Variants in RAB27A observed in about 807,000 individuals in gnomAD.
RAB27A encodes the protein RAB27A, member RAS oncogene family, also known as ras-related protein Rab-27A.
A neutral mutation model predicts 20.8 loss-of-function variants in RAB27A; 17 were observed. That is an observed-to-expected ratio of 0.82 (90% CI 0.56 to 1.23). The LOEUF is 1.23. Ranked by LOEUF, RAB27A falls within the 50% of genes most tolerant of loss-of-function variation. RAB27A has a pLI of 0.00. For synonymous variants in RAB27A, 85 were observed against 92.8 expected, an observed-to-expected ratio of 0.92 and a Z score of 0.48; for missense variants, 277 against 266.7, an observed-to-expected ratio of 1.04 and a Z score of -0.27.
upstream of RAB27A, among the ~76,000 whole-genome samples, chr15:55,291,649 G>A (rs982176122): frequency 2.0e-5 from 3 of 151,646 alleles, no homozygotes; most frequent in East Asian, 5.8e-4. Flanking sequence ...TGGCTGATAT[G>A]GCACAGGGAA....
exon 1 of RAB27A, chr15:55,319,013 TTTCGGACCCC>T: frequency 2.0e-6 from 1 of 493,320 alleles, no homozygotes; most frequent in South Asian, 2.9e-5. Context: ...TTCCAGCAGT[TTTCGGACCCC>T]CGAGCACAGA....
chr15:55,271,913 TCTC>T (rs1265428154), intron 1 of RAB27A, among the ~76,000 whole-genome samples: 2 of 152,198 alleles, frequency 1.3e-5, no homozygotes, highest in Non-Finnish European at 2.9e-5. Context: ...TGACATCTCT[TCTC>T]ATGGTAAATG....
At position 55,217,663 on chromosome 15, in the gene RAB27A, CAAAAAAAAAAAAAAAAA is replaced by C. The variant is rs199813098; in HGVS notation, c.467+6209_467+6225del. Among the ~76,000 whole-genome samples, 106 of 43,554 alleles carry C rather than the reference CAAAAAAAAAAAAAAAAA, an allele frequency of 2.4e-3. 2 individuals are homozygous for C. The highest frequency in any genetic ancestry group is 3.6e-3 in the Non-Finnish European group (84 of 23,140). The allele number at this position is 43,554 out of a possible 152,430, so 28.6% of individuals were successfully genotyped here. A position where few individuals can be genotyped will look rare whatever the true frequency, so the allele number is the denominator to read the frequency against. On this transcript the variant is annotated intron_variant, in intron 6 of 6. Coordinates refer to ENST00000336787, the MANE Select transcript of RAB27A (RefSeq NM_183235.3). ...TGGGTGACAGAGCTACACTCCATCT[CAAAAAAAAAAAAAAAAA>C]AAAAAAAAAAAAAAATTCAAGAGGA... is the stretch of plus-strand genomic sequence containing the variant.
intron 5 of RAB27A, among the ~76,000 whole-genome samples, chr15:55,225,227 C>A (rs1895750898): frequency 1.3e-5 from 2 of 152,166 alleles, no homozygotes; most frequent in Admixed American, 1.3e-4. Flanking sequence ...GTTATAGGTC[C>A]ATGCCCAGTG....
intron 2 of RAB27A, among the ~76,000 whole-genome samples, chr15:55,236,476 TG>T (rs1449403951): frequency 1.3e-5 from 2 of 152,162 alleles, no homozygotes; most frequent in African/African-American, 4.8e-5. Context: ...TATGTTTACC[TG>T]GGTACTCTAT....
chr15:55,262,414 C>T (rs1052918618), intron 2 of RAB27A, among the ~76,000 whole-genome samples: 3 of 151,560 alleles, frequency 2.0e-5, no homozygotes, highest in Admixed American at 6.6e-5. Flanking sequence ...TGGTGGTAGG[C>T]ACCTGTAGTC....
Position 55,203,379 on chromosome 15 carries a change from T to C in RAB27A, c.*2128A>G, listed in dbSNP as rs578217225. On this transcript the variant is annotated 3_prime_UTR_variant, in exon 7 of 7. Transcript: ENST00000336787. ...CTGCACTGAAGTCTTATGGCAACTATATAAGGCACTGCTGTGTGATTATGA... is the reference window on the plus strand; with the variant it reads ...CTGCACTGAAGTCTTATGGCAACTACATAAGGCACTGCTGTGTGATTATGA... 6.6e-6 allele frequency: 1 copy of C among 152,028 alleles called. No homozygotes were observed. The highest frequency in any genetic ancestry group is 2.1e-4 in the South Asian group (1 of 4,822). The allele number at this position is 152,028 out of a possible 1,614,324, so 9.4% of individuals were successfully genotyped here. A position where few individuals can be genotyped will look rare whatever the true frequency, so the allele number is the denominator to read the frequency against.
rs1894476374 is a variant in RAB27A, at chr15:55,203,224, C to T, written c.*2283G>A. 6.6e-6 allele frequency: 1 copy of T among 152,086 alleles called. No homozygotes were observed. The allele number at this position is 152,086 out of a possible 1,614,324, so 9.4% of individuals were successfully genotyped here. On this transcript the variant is annotated 3_prime_UTR_variant, in exon 7 of 7. Transcript: ENST00000336787. ...CCAGTGGAATCTATAGCTAATTACT[C>T]ATTTGGTTCTTGAAAACTGAAACAT...
At chr15:55,218,770 C>A (rs8026190) in intron 6 of RAB27A, among the ~76,000 whole-genome samples, 13,493 of 148,898 alleles carry the variant, frequency 0.091, 937 homozygotes, top group African/African-American at 0.2. Context: ...AGAGGCAGAG[C>A]CTCGCTCTTT....
intron 2 of RAB27A, among the ~76,000 whole-genome samples, chr15:55,268,149 CTT>C (rs113400757): frequency 1.3e-4 from 18 of 143,600 alleles, no homozygotes; most frequent in Admixed American, 2.1e-4. Flanking sequence ...CCCAAAACAT[CTT>C]TTTTTTTTTT....
chr15:55,258,168 G>C (rs760978802), intron 2 of RAB27A, among the ~76,000 whole-genome samples: 3 of 151,324 alleles, frequency 2.0e-5, no homozygotes, highest in Non-Finnish European at 4.4e-5. Context: ...TGAAACCACT[G>C]ACACTAAGAA....
intron 2 of RAB27A, among the ~76,000 whole-genome samples, chr15:55,259,441 C>T (rs567803031): frequency 4.6e-5 from 7 of 151,174 alleles, no homozygotes; most frequent in Non-Finnish European, 7.4e-5. Context: ...TGAGTCGCCA[C>T]GCCCAGCTAA....
intron 2 of RAB27A, among the ~76,000 whole-genome samples, chr15:55,302,775 G>T (rs2054978513): frequency 7.2e-6 from 1 of 137,964 alleles, no homozygotes; most frequent in Non-Finnish European, 1.6e-5. Context: ...GACCCCGTCT[G>T]GGAGGTGAGG....
intron 1 of RAB27A, among the ~76,000 whole-genome samples, chr15:55,271,077 T>C (rs765924550): frequency 6.6e-6 from 1 of 152,212 alleles, no homozygotes; most frequent in Non-Finnish European, 1.5e-5. Context: ...AAACCACTTA[T>C]TTGGTTTTCT....
chr15:55,220,124 C>A (rs1216104753), intron 6 of RAB27A, among the ~76,000 whole-genome samples: 1 of 152,156 alleles, frequency 6.6e-6, no homozygotes, highest in Non-Finnish European at 1.5e-5. Context: ...GATTAACATT[C>A]CATTTTCGCA....
At chr15:55,229,912 A>C (rs1895965027) in intron 4 of RAB27A, among the ~76,000 whole-genome samples, 1 of 152,190 alleles carries the variant, frequency 6.6e-6, no homozygotes, top group South Asian at 2.1e-4. Context: ...TCCATAATAA[A>C]AAGTTAAAAA....
At chr15:55,288,758 T>A (rs1156403069) in intron 1 of RAB27A, 1 of 151,870 alleles carries the variant, frequency 6.6e-6, no homozygotes, top group Non-Finnish European at 1.5e-5. Context: ...TCTTCACTTC[T>A]AACCATCTGC....
intron 6 of RAB27A, among the ~76,000 whole-genome samples, chr15:55,212,634 A>G (rs1240525708): frequency 6.7e-6 from 1 of 148,992 alleles, no homozygotes; most frequent in Admixed American, 6.7e-5. Flanking sequence ...GGCTCACGCC[A>G]TTCTCCTGCC....
Position 55,241,017 on chromosome 15 carries a change from C to A in RAB27A, c.-22-6061G>T, listed in dbSNP as rs141901601. On this transcript the variant is annotated intron_variant, in intron 2 of 6. Coordinates refer to ENST00000336787, the MANE Select transcript of RAB27A (RefSeq NM_183235.3). Reference sequence around the variant, plus strand: ...TAGTGTATACACACAAAGTTTGGAACAGTGCACAGGACATAGTAAGTTCTA... The same window carrying A: ...TAGTGTATACACACAAAGTTTGGAAAAGTGCACAGGACATAGTAAGTTCTA... 2.1e-3 allele frequency among the ~76,000 whole-genome samples: 325 copies of A among 152,284 alleles called. 3 individuals are homozygous for A. The highest frequency in any genetic ancestry group is 7.2e-3 in the African/African-American group (299 of 41,570).
Sources: allele counts gnomAD v4.1 joint callset (sites outside exome capture counted in the v4.1 genomes callset), GRCh38; gene constraint gnomAD v4.1.1; transcripts MANE v1.5; gene names NCBI Gene and HGNC (gene_info 2026-07-23, HGNC 2026-07-21).